The following MMP26 variants were observed in gnomAD, a reference collection of about 807,000 sequenced individuals.
MMP26 encodes the protein matrix metalloproteinase-26.
A neutral mutation model predicts 31.0 loss-of-function variants in MMP26; 33 were observed. That is an observed-to-expected ratio of 1.06 (90% CI 0.81 to 1.42). MMP26 has a LOEUF of 1.42. Ranked by LOEUF, MMP26 falls within the 40% of genes most tolerant of loss-of-function variation. The pLI is 0.00. For synonymous variants in MMP26, 122 were observed against 114.9 expected (o/e 1.06, Z -0.40); for missense variants, 347 against 316.1 (o/e 1.10, Z -0.74).
intron 2 of MMP26, chr11:4,832,906 TG>T (rs1849665753): frequency 5.1e-6 from 1 of 196,612 alleles, no homozygotes; most frequent in South Asian, 1.1e-4. Flanking sequence ...ATCATCACCT[TG>T]GCTACCATGC....
At chr11:4,722,889 G>C in intron 1 of MMP26, 1 of 792,520 alleles carries the variant, frequency 1.3e-6, no homozygotes, top group Admixed American at 1.7e-5. Context: ...CTGAGGCCAG[G>C]GCTTGTGAGG....
intron 2 of MMP26, chr11:4,821,853 C>G: frequency 6.2e-7 from 1 of 1,613,708 alleles, no homozygotes; most frequent in Non-Finnish European, 8.5e-7. Flanking sequence ...CCCGAATTGC[C>G]AAGATTGGGA....
chr11:4,933,161 C>G (rs182409316), intron 2 of MMP26, among the ~76,000 whole-genome samples: 130 of 152,062 alleles, frequency 8.5e-4, no homozygotes, highest in African/African-American at 3.1e-3. Flanking sequence ...TTATTATAAA[C>G]TGAGGATTAA....
At chr11:4,711,205 G>A (rs1847858100) in intron 1 of MMP26, 2 of 152,080 alleles carry the variant, frequency 1.3e-5, no homozygotes, top group South Asian at 4.1e-4. Flanking sequence ...TTAGGGTACT[G>A]ACCTAATAAA....
chr11:4,816,882 T>TA (rs34529559), intron 2 of MMP26, among the ~76,000 whole-genome samples: 135 of 149,926 alleles, frequency 9.0e-4, no homozygotes, highest in African/African-American at 5.9e-4. Context: ...TTTTTTTTTT[T>TA]AATATTTTTA....
At chr11:4,840,546 G>A (rs1268775784) in intron 2 of MMP26, among the ~76,000 whole-genome samples, 1 of 152,214 alleles carries the variant, frequency 6.6e-6, no homozygotes, top group Non-Finnish European at 1.5e-5. Context: ...GTAATCCAGA[G>A]AATATTCCAT....
At chr11:4,842,079 CTT>C (rs1238085233) in intron 2 of MMP26, among the ~76,000 whole-genome samples, 1 of 152,162 alleles carries the variant, frequency 6.6e-6, no homozygotes, top group Middle Eastern at 3.2e-3. Flanking sequence ...GTAAACTACT[CTT>C]ATGCCAAGTA....
At chr11:4,709,702 G>T (rs746623968) in intron 1 of MMP26, 1 of 459,534 alleles carries the variant, frequency 2.2e-6, no homozygotes, top group Non-Finnish European at 4.4e-6. Context: ...TCTGGGAATG[G>T]CATGATCCTG....
intron 1 of MMP26, among the ~76,000 whole-genome samples, chr11:4,727,481 T>TTTTA: frequency 6.6e-6 from 1 of 152,334 alleles, no homozygotes; most frequent in Admixed American, 6.5e-5. Flanking sequence ...TTTAAAATGT[T>TTTTA]TGGTTTAGTA....
At chr11:4,840,894 A>G (rs190353982) in intron 2 of MMP26, among the ~76,000 whole-genome samples, 87 of 152,336 alleles carry the variant, frequency 5.7e-4, no homozygotes, top group Non-Finnish European at 1.1e-3. Context: ...TGTTGAGGAA[A>G]CTCAAAGAAA....
chr11:4,905,594 T>C (rs1254655664), intron 2 of MMP26, among the ~76,000 whole-genome samples: 2 of 152,096 alleles, frequency 1.3e-5, no homozygotes, highest in Non-Finnish European at 2.9e-5. Context: ...TAGCTTGTCT[T>C]CTTCTCTCTA....
chr11:4,908,206 C>G (rs1850934033), intron 2 of MMP26: 1 of 1,614,034 alleles, frequency 6.2e-7, no homozygotes, highest in Non-Finnish European at 8.5e-7. Flanking sequence ...CAGATATGTT[C>G]TTGTTGGTGC....
At chr11:4,711,890 T>G (rs1400732903) in intron 1 of MMP26, 1 of 152,148 alleles carries the variant, frequency 6.6e-6, no homozygotes, top group Non-Finnish European at 1.5e-5. Flanking sequence ...TGCCTCTAAG[T>G]CTGTGATTAT....
At position 4,990,729 on chromosome 11, in the gene MMP26, T is replaced by C; in HGVS notation, c.452T>C (p.Val151Ala). 1 of 1,614,088 alleles carries C rather than the reference T, an allele frequency of 6.2e-7. No individual in the cohort carries two copies. Among genetic ancestry groups the C allele is most frequent in the Non-Finnish European group, 8.5e-7 (1 of 1,179,978 alleles). ...CAGAATGGAGATGCAGACATCAAGG[T>C]TTCTTTCTGGCAGTGGGGTAAGAAA... ...QVQNGDADIKVSFWQWAHEDG... is the reference protein window; with the variant it reads ...QVQNGDADIKASFWQWAHEDG... Residue 151 changes from valine (V) to alanine (A), a missense_variant, in exon 5 of 8, where the codon GTT becomes GCT. Transcript: ENST00000380390.
At position 4,992,366 on chromosome 11, in the gene MMP26, C is replaced by A; in HGVS notation, c.*124C>A. 2.3e-6 allele frequency: 2 copies of A among 881,340 alleles called. No homozygotes were observed. The highest frequency in any genetic ancestry group is 3.4e-5 in the South Asian group (2 of 59,626). The allele number at this position is 881,340 out of a possible 1,614,324, so 54.6% of individuals were successfully genotyped here. A position where few individuals can be genotyped will look rare whatever the true frequency, so the allele number is the denominator to read the frequency against. On this transcript the variant is annotated 3_prime_UTR_variant, in exon 8 of 8. Coordinates refer to ENST00000380390, the MANE Select transcript of MMP26 (RefSeq NM_021801.5). ...GAAGCCCTAAAGAATGCAACCTAGTCAGGTTAGCTGAACCGACACTCAAAA... is the reference window on the plus strand; with the variant it reads ...GAAGCCCTAAAGAATGCAACCTAGTAAGGTTAGCTGAACCGACACTCAAAA...
intron 2 of MMP26, among the ~76,000 whole-genome samples, chr11:4,984,729 G>T (rs532520899): frequency 1.3e-5 from 2 of 152,238 alleles, no homozygotes; most frequent in African/African-American, 4.8e-5. Context: ...TATAAATTGT[G>T]TATAGTTATT....
intron 2 of MMP26, among the ~76,000 whole-genome samples, chr11:4,789,690 G>A (rs1352509867): frequency 1.3e-5 from 2 of 151,000 alleles, no homozygotes; most frequent in Non-Finnish European, 2.9e-5. Flanking sequence ...ACAGGTGCCT[G>A]CCACCACACC....
At chr11:4,863,439 C>G (rs1850192359) in intron 2 of MMP26, among the ~76,000 whole-genome samples, 2 of 152,100 alleles carry the variant, frequency 1.3e-5, no homozygotes, top group South Asian at 4.1e-4. Context: ...ATTTTACTTT[C>G]TCTTTCCATC....
chr11:4,936,821 G>T (rs981245350), intron 2 of MMP26, among the ~76,000 whole-genome samples: 3 of 152,088 alleles, frequency 2.0e-5, no homozygotes, highest in African/African-American at 7.2e-5. Flanking sequence ...TAATGTAATT[G>T]ACTAGTATGA....
Sources: allele counts gnomAD v4.1 joint callset (sites outside exome capture counted in the v4.1 genomes callset), GRCh38; gene constraint gnomAD v4.1.1; transcripts MANE v1.5; gene names NCBI Gene and HGNC (gene_info 2026-07-23, HGNC 2026-07-21).